SLC25A48: variants seen among roughly 807,000 people sequenced by gnomAD.
SLC25A48 encodes solute carrier family 25 member 48, also known as CTC-321K16.1.
In SLC25A48, 29 loss-of-function variants were observed where a neutral mutation model predicts 32.2. The ratio of observed to expected loss-of-function variants is 0.90; its 90% confidence interval spans 0.67 to 1.23. SLC25A48 has a LOEUF of 1.23. Among genes scored for constraint, SLC25A48 ranks in the 50% most tolerant of loss-of-function variants. The pLI is 0.00. For missense variants in SLC25A48, 399 were observed against 422.7 expected (o/e 0.94, Z 0.49); for synonymous variants, 164 against 172.3 (o/e 0.95, Z 0.38).
chr5:135,757,230 G>A (rs1205022542), intron 3 of SLC25A48, among the ~76,000 whole-genome samples: 3 of 149,490 alleles, frequency 2.0e-5, no homozygotes, highest in Non-Finnish European at 4.5e-5. Flanking sequence ...AAAATGTCTT[G>A]TGTTAACACA....
At chr5:135,657,084 C>T (rs767551404) in intron 3 of SLC25A48, among the ~76,000 whole-genome samples, 1 of 152,150 alleles carries the variant, frequency 6.6e-6, no homozygotes, top group African/African-American at 2.4e-5. Context: ...TCTGAATGGG[C>T]ACTCACAATA....
At chr5:135,802,629 T>G (rs1235086363) in intron 3 of SLC25A48, among the ~76,000 whole-genome samples, 1 of 151,478 alleles carries the variant, frequency 6.6e-6, no homozygotes, top group East Asian at 1.9e-4. Context: ...GGGTACACCA[T>G]GTGTGTTCAC....
At chr5:135,868,001 T>A (rs1330691893) in intron 4 of SLC25A48, among the ~76,000 whole-genome samples, 1 of 152,206 alleles carries the variant, frequency 6.6e-6, no homozygotes, top group African/African-American at 2.4e-5. Flanking sequence ...TCTCCCTAAC[T>A]GGGCTGTAAA....
At chr5:135,769,742 C>T (rs1250957309) in intron 3 of SLC25A48, among the ~76,000 whole-genome samples, 1 of 151,478 alleles carries the variant, frequency 6.6e-6, no homozygotes, top group Non-Finnish European at 1.5e-5. Flanking sequence ...CCCAATATCG[C>T]AGGACGTGTA....
chr5:135,608,459 T>C (rs1173247948), intron 1 of SLC25A48, among the ~76,000 whole-genome samples: 1 of 152,192 alleles, frequency 6.6e-6, no homozygotes, highest in African/African-American at 2.4e-5. Context: ...CCATGAGCAA[T>C]GACTCTGCAG....
chr5:135,645,590 C>T lies in SLC25A48; in HGVS notation c.-521+10634C>T, dbSNP rs917661672. Reference sequence around the variant, plus strand: ...TTCTGCCAAGTCTGTGATCATAACCCTTCTTAGAAAAGTGTTTTTAGGGAA... The same window carrying T: ...TTCTGCCAAGTCTGTGATCATAACCTTTCTTAGAAAAGTGTTTTTAGGGAA... On this transcript the variant is annotated intron_variant, in intron 3 of 10. Transcript: ENST00000646290. 2.6e-5 allele frequency among the ~76,000 whole-genome samples: 4 copies of T among 152,192 alleles called. No individual in the cohort carries two copies. The East Asian group carries it at 5.8e-4, about 22-fold the overall frequency.
intron 3 of SLC25A48, among the ~76,000 whole-genome samples, chr5:135,730,763 G>A (rs1441469598): frequency 6.6e-6 from 1 of 152,190 alleles, no homozygotes; most frequent in Non-Finnish European, 1.5e-5. Flanking sequence ...TAATGATATG[G>A]ACAAGAAATC....
chr5:135,612,279 A>G (rs1359732929), intron 1 of SLC25A48, among the ~76,000 whole-genome samples: 3 of 152,202 alleles, frequency 2.0e-5, no homozygotes, highest in African/African-American at 4.8e-5. Flanking sequence ...TATTTTACAT[A>G]TTTATGGGGT....
At position 135,680,203 on chromosome 5, in the gene SLC25A48, G is replaced by T. The variant is rs1753862244; in HGVS notation, c.-521+45247G>T. Among the ~76,000 whole-genome samples, 3 of 152,172 alleles carry T rather than the reference G, an allele frequency of 2.0e-5. No individual in the cohort carries two copies. The South Asian group carries it at 6.2e-4, about 32-fold the overall frequency. ...AACTATCTTGGTTCTTTATGAAGGA[G>T]GTGAGTACCAGATGCCTCTAGTCAG... On this transcript the variant is annotated intron_variant, in intron 3 of 10. Transcript: ENST00000646290.
chr5:135,626,798 C>T (rs1169666377), intron 1 of SLC25A48, among the ~76,000 whole-genome samples: 1 of 152,104 alleles, frequency 6.6e-6, no homozygotes, highest in African/African-American at 2.4e-5. Context: ...GCTGGGAGTT[C>T]CAAATTCCCC....
chr5:135,776,652 CA>C (rs1756569422), intron 3 of SLC25A48, among the ~76,000 whole-genome samples: 1 of 151,008 alleles, frequency 6.6e-6, no homozygotes, highest in East Asian at 2.0e-4. Context: ...TTTTTACATC[CA>C]GGGGGAGGGA....
chr5:135,584,608 G>A (rs1380223048), intron 1 of SLC25A48, among the ~76,000 whole-genome samples: 5 of 152,218 alleles, frequency 3.3e-5, no homozygotes, highest in Admixed American at 6.5e-5. Context: ...CAGACTGTTT[G>A]AAGTAAACCA....
chr5:135,680,319 G>C (rs1344943566), intron 3 of SLC25A48, among the ~76,000 whole-genome samples: 1 of 152,116 alleles, frequency 6.6e-6, no homozygotes, highest in Non-Finnish European at 1.5e-5. Flanking sequence ...TTTCAATGTT[G>C]TTTTAGCTAG....
chr5:135,607,781 C>T (rs758596657), intron 1 of SLC25A48, among the ~76,000 whole-genome samples: 2 of 152,128 alleles, frequency 1.3e-5, no homozygotes, highest in Non-Finnish European at 2.9e-5. Context: ...AACAGGGGCC[C>T]ATTTTTACTT....
At chr5:135,862,295 C>T (rs1487234498) in intron 4 of SLC25A48, among the ~76,000 whole-genome samples, 1 of 152,246 alleles carries the variant, frequency 6.6e-6, no homozygotes, top group Non-Finnish European at 1.5e-5. Flanking sequence ...CATTGAAAGA[C>T]TAATTAATGT....
intron 2 of SLC25A48, among the ~76,000 whole-genome samples, chr5:135,634,195 A>C (rs576170588): frequency 6.6e-6 from 1 of 152,324 alleles, no homozygotes; most frequent in South Asian, 2.1e-4. Flanking sequence ...CCTGTGGACT[A>C]TGCTGCCTCC....
intron 3 of SLC25A48, among the ~76,000 whole-genome samples, chr5:135,709,635 C>T (rs1754606303): frequency 6.6e-6 from 1 of 152,208 alleles, no homozygotes; most frequent in Admixed American, 6.5e-5. Flanking sequence ...GTCTAAAGGG[C>T]AGGGTTATTG....
chr5:135,780,375 C>T (rs1319038930), intron 3 of SLC25A48, among the ~76,000 whole-genome samples: 10 of 116,590 alleles, frequency 8.6e-5, no homozygotes, highest in African/African-American at 2.3e-4. Context: ...CGTGAGCCAC[C>T]GCGCCTGGTC....
At chr5:135,762,938 G>T (rs1459533769) in intron 3 of SLC25A48, among the ~76,000 whole-genome samples, 1 of 151,960 alleles carries the variant, frequency 6.6e-6, no homozygotes, top group East Asian at 1.9e-4. Flanking sequence ...GTGTGAGTAG[G>T]GGTAAGTGTG....
Sources: gnomAD v4.1 joint callset for allele counts (sites outside exome capture counted in the v4.1 genomes callset) on GRCh38, gnomAD v4.1.1 for gene constraint, MANE v1.5 for transcripts, NCBI Gene and HGNC (gene_info 2026-07-23, HGNC 2026-07-21) for gene names.